Variants in NTRK3 observed in about 807,000 individuals in gnomAD.
NTRK3 encodes the protein NT-3 growth factor receptor.
A neutral mutation model predicts 91.7 loss-of-function variants in NTRK3; 24 were observed. That is an observed-to-expected ratio of 0.26 (90% CI 0.19 to 0.37). The LOEUF (loss-of-function observed/expected upper bound fraction) is 0.37. NTRK3 is among the 10% of genes least tolerant of loss of function. The probability of loss-of-function intolerance (pLI) is 1.00; values close to 1 mark genes in which losing one functional copy is unlikely to be tolerated. For synonymous variants in NTRK3, 483 were observed against 404.0 expected (o/e 1.20, Z -2.34); for missense variants, 880 against 1,068.9 (o/e 0.82, Z 2.46).
chr15:88,024,651 A>G (rs186978891), intron 14 of NTRK3, among the ~76,000 whole-genome samples: 1 of 152,218 alleles, frequency 6.6e-6, no homozygotes, highest in Non-Finnish European at 1.5e-5. Context: ...ATGCACATCT[A>G]TAGTTTAAAA....
chr15:88,011,484 T>C (rs1166709386), intron 14 of NTRK3, among the ~76,000 whole-genome samples: 1 of 152,202 alleles, frequency 6.6e-6, no homozygotes, highest in Non-Finnish European at 1.5e-5. Flanking sequence ...TCCTATAATT[T>C]CAGAACATTT....
At chr15:88,047,201 TGGC>T (rs1228012707) in intron 13 of NTRK3, among the ~76,000 whole-genome samples, 4 of 152,334 alleles carry the variant, frequency 2.6e-5, no homozygotes, top group African/African-American at 9.6e-5. Context: ...TAGTAGCACG[TGGC>T]TGCTCATTGA....
intron 5 of NTRK3, among the ~76,000 whole-genome samples, chr15:88,151,027 C>CT (rs1226502131): frequency 6.6e-6 from 1 of 152,124 alleles, no homozygotes; most frequent in Non-Finnish European, 1.5e-5. Context: ...CACCCTGCCT[C>CT]TGAGCCCCAC....
intron 13 of NTRK3, among the ~76,000 whole-genome samples, chr15:88,118,524 A>G (rs549677210): frequency 1.3e-5 from 2 of 152,368 alleles, no homozygotes; most frequent in African/African-American, 4.8e-5. Context: ...CTGTAGGATA[A>G]CTGGATCAGT....
rs368492035 is a variant in NTRK3 at position 87,970,369 on chromosome 15, ACT to A, written c.1586-29618_1586-29617del. The stretch of plus-strand genomic sequence containing the variant: ...CCATCAGCAACCAGAATTTTTTCTG[ACT>A]CTACGTAGAAGGCAGAAGTGAGGGC... On this transcript the variant is annotated intron_variant, in intron 14 of 18. Coordinates refer to ENST00000394480, the Ensembl canonical transcript of NTRK3. Among the ~76,000 whole-genome samples, 18 of 152,240 alleles carry A rather than the reference ACT, an allele frequency of 1.2e-4. 1 individual carries two copies. In the East Asian group the frequency reaches 2.3e-3, roughly 20 times the overall value.
intron 14 of NTRK3, among the ~76,000 whole-genome samples, chr15:87,971,720 C>T (rs1462142167): frequency 6.6e-6 from 1 of 152,200 alleles, no homozygotes; most frequent in South Asian, 2.1e-4. Context: ...AAGAACCTAG[C>T]TGTGAGAGGT....
chr15:88,179,923 G>A (rs1288371989), intron 5 of NTRK3, among the ~76,000 whole-genome samples: 2 of 152,200 alleles, frequency 1.3e-5, no homozygotes, highest in African/African-American at 4.8e-5. Flanking sequence ...GAGTATTCCA[G>A]TCACCAGAGA....
chr15:87,906,078 G>A (rs2066747287), intron 17 of NTRK3, among the ~76,000 whole-genome samples: 2 of 152,170 alleles, frequency 1.3e-5, no homozygotes, highest in Non-Finnish European at 2.9e-5. Context: ...CCTGCCAACT[G>A]GTATCTGTGG....
chr15:88,012,628 A>T (rs1386777476), intron 14 of NTRK3, among the ~76,000 whole-genome samples: 1 of 152,254 alleles, frequency 6.6e-6, no homozygotes, highest in African/African-American at 2.4e-5. Flanking sequence ...CACCCAATAC[A>T]GAACCTAGAA....
rs182774466 is a variant in NTRK3, at chr15:87,905,667, C to T, written c.2133+23524G>A. Among the ~76,000 whole-genome samples the T allele has an allele frequency of 2.9e-4, 44 of 152,230 alleles. No homozygotes were observed. In the East Asian group the frequency reaches 3.5e-3, roughly 12 times the overall value. The stretch of plus-strand genomic sequence containing the variant: ...AGGATTATCTTCAAACTCAACTCTT[C>T]GCTCAAACCCCTGTCGAAAAACCTT... On this transcript the variant is annotated intron_variant, in intron 17 of 18. Coordinates refer to ENST00000394480, the Ensembl canonical transcript of NTRK3.
chr15:88,200,191 T>C (rs1039352402), intron 3 of NTRK3, among the ~76,000 whole-genome samples: 6 of 152,220 alleles, frequency 3.9e-5, no homozygotes, highest in African/African-American at 1.4e-4. Flanking sequence ...CAGAAGCCAC[T>C]CATCAGTTCC....
intron 13 of NTRK3, chr15:88,099,042 A>T (rs1408080337): frequency 4.3e-6 from 1 of 231,400 alleles, no homozygotes; most frequent in Non-Finnish European, 8.5e-6. Flanking sequence ...GAACGACAAG[A>T]TGTAACAGCC....
chr15:87,983,337 T>C (rs1596521561), intron 14 of NTRK3, among the ~76,000 whole-genome samples: 1 of 152,118 alleles, frequency 6.6e-6, no homozygotes, highest in South Asian at 2.1e-4. Flanking sequence ...TGCCACACTT[T>C]CCACAACTTT....
At chr15:87,937,743 T>C (rs2069431262) in intron 15 of NTRK3, among the ~76,000 whole-genome samples, 1 of 152,020 alleles carries the variant, frequency 6.6e-6, no homozygotes. Context: ...ATACATTTTC[T>C]AAAGAAAACA....
Position 88,148,674 on chromosome 15 carries a change from T to C in NTRK3, c.396-1271A>G, listed in dbSNP as rs147089868. ...GCTGGCCATGGGGAGGAGTTTGGAT[T>C]TGATATTAAAGAGTGGTGGGAAGGC... On this transcript the variant is annotated intron_variant, in intron 5 of 18. Coordinates refer to ENST00000394480, the Ensembl canonical transcript of NTRK3. 3.3e-5 allele frequency among the ~76,000 whole-genome samples: 5 copies of C among 152,178 alleles called. No homozygotes were observed. In the East Asian group the frequency reaches 9.7e-4, roughly 29 times the overall value.
chr15:87,905,470 T>C (rs1287355227), intron 17 of NTRK3, among the ~76,000 whole-genome samples: 2 of 152,124 alleles, frequency 1.3e-5, no homozygotes, highest in Admixed American at 6.5e-5. Context: ...TTCTGGGAAA[T>C]ATATGAAAGT....
intron 17 of NTRK3, among the ~76,000 whole-genome samples, chr15:87,905,006 A>G (rs1382129548): frequency 6.6e-6 from 1 of 152,246 alleles, no homozygotes; most frequent in Non-Finnish European, 1.5e-5. Context: ...GGGAAACTAG[A>G]CAAGGGTCCC....
chr15:87,898,910 CAT>C (rs1418216486), intron 17 of NTRK3, among the ~76,000 whole-genome samples: 5 of 151,500 alleles, frequency 3.3e-5, no homozygotes, highest in African/African-American at 7.3e-5. Flanking sequence ...GGCTGACACA[CAT>C]AGACATTTTC....
At chr15:88,206,851 C>G (rs2048837813) in intron 3 of NTRK3, among the ~76,000 whole-genome samples, 1 of 152,170 alleles carries the variant, frequency 6.6e-6, no homozygotes, top group African/African-American at 2.4e-5. Context: ...AGGCCCCACG[C>G]AGGGCCTTTG....
Sources: gnomAD v4.1 joint callset for allele counts (sites outside exome capture counted in the v4.1 genomes callset) on GRCh38, gnomAD v4.1.1 for gene constraint, MANE v1.5 for transcripts, NCBI Gene and HGNC (gene_info 2026-07-23, HGNC 2026-07-21) for gene names.